The following PSMD11 variants were observed in gnomAD, a reference collection of about 807,000 sequenced individuals.
The protein encoded by PSMD11 is 26S proteasome non-ATPase regulatory subunit 11.
In PSMD11, 5 loss-of-function variants were observed where a neutral mutation model predicts 62.3. The ratio of observed to expected loss-of-function variants is 0.08; its 90% CI spans 0.04 to 0.17. The LOEUF (loss-of-function observed/expected upper bound fraction) is 0.17, where lower values mean the gene tolerates loss of function less well. Ranked by LOEUF, PSMD11 falls within the 10% of genes least tolerant of loss-of-function variation. The pLI is 1.00. For synonymous variants in PSMD11, 191 were observed against 191.8 expected (o/e 1.00, Z 0.03); for missense variants, 310 against 512.9 (o/e 0.60, Z 3.82).
rs1431317658 is a variant in PSMD11 at position 32,483,292 on chromosome 17, G to T, written c.*2540G>T. ...TGTGTTGAAATATTTTGGGTATTGG[G>T]TTAAATAAAATATATTATTAAAATT... On this transcript the variant is annotated 3_prime_UTR_variant, in exon 14 of 14. Coordinates refer to ENST00000261712, the MANE Select transcript of PSMD11 (RefSeq NM_002815.4). 1 of 152,324 alleles carries T rather than the reference G, an allele frequency of 6.6e-6. No homozygotes were observed. Among genetic ancestry groups the T allele is most frequent in the Non-Finnish European group, 1.5e-5 (1 of 68,030 alleles). 9.4% of individuals were successfully genotyped at this position (152,324 alleles called of 1,614,324 possible). A position where few individuals can be genotyped will look rare whatever the true frequency, so the allele number is the denominator to read the frequency against.
intron 5 of PSMD11, among the ~76,000 whole-genome samples, chr17:32,467,382 AT>A (rs1908027881): frequency 6.6e-6 from 1 of 151,222 alleles, no homozygotes; most frequent in African/African-American, 2.4e-5. Context: ...AGTAGCTGAG[AT>A]TATAGGCGTG....
intron 3 of PSMD11, among the ~76,000 whole-genome samples, chr17:32,457,789 T>TTC (rs1323202883): frequency 6.6e-6 from 1 of 150,902 alleles, no homozygotes; most frequent in African/African-American, 2.5e-5. Context: ...TTTGTATTTG[T>TTC]TCTCTCTCTC....
intron 5 of PSMD11, among the ~76,000 whole-genome samples, chr17:32,467,991 C>G (rs985970664): frequency 2.0e-5 from 3 of 152,084 alleles, no homozygotes; most frequent in African/African-American, 7.2e-5. Context: ...GTGTGGTGTT[C>G]CCCTCCGCGT....
chr17:32,445,961 G>T (rs1233159790), intron 1 of PSMD11: 2 of 152,174 alleles, frequency 1.3e-5, no homozygotes, highest in Non-Finnish European at 2.9e-5. Context: ...ATTTTATTCT[G>T]AGTACACACT....
chr17:32,463,631 A>G (rs2150834316), intron 3 of PSMD11: 1 of 164,824 alleles, frequency 6.1e-6, no homozygotes, highest in Non-Finnish European at 1.3e-5. Context: ...ATGAGGCATT[A>G]GTGCTTAGGA....
intron 5 of PSMD11, 102 bp from the exon 6 acceptor site, chr17:32,468,897 T>A: frequency 1.3e-6 from 1 of 798,386 alleles, no homozygotes; most frequent in Non-Finnish European, 1.7e-6. Context: ...GTTCAGGAAT[T>A]TTTTTTTTTT....
intron 6 of PSMD11, among the ~76,000 whole-genome samples, chr17:32,470,453 C>T (rs1908133837): frequency 6.6e-6 from 1 of 152,150 alleles, no homozygotes. Flanking sequence ...GCTGGGATTA[C>T]AGGCACCTGC....
chr17:32,466,024 C>T (rs193124262), intron 5 of PSMD11, among the ~76,000 whole-genome samples: 1 of 152,052 alleles, frequency 6.6e-6, no homozygotes, highest in African/African-American at 2.4e-5. Context: ...GAGATGGAGT[C>T]TCACTCTGTC....
chr17:32,472,941 AG>A (rs963992625), intron 6 of PSMD11, among the ~76,000 whole-genome samples: 2 of 146,892 alleles, frequency 1.4e-5, no homozygotes, highest in Admixed American at 1.4e-4. Flanking sequence ...GGATCACTTG[AG>A]GTCAGGAGTT....
intron 3 of PSMD11, among the ~76,000 whole-genome samples, chr17:32,457,747 C>T (rs1907692263): frequency 6.6e-6 from 1 of 151,832 alleles, no homozygotes; most frequent in African/African-American, 2.4e-5. Context: ...TTTGTCAATT[C>T]AGCTTTCTTC....
chr17:32,473,774 T>C, intron 6 of PSMD11, 27 bp from the exon 7 acceptor site: 1 of 1,610,808 alleles, frequency 6.2e-7, no homozygotes, highest in South Asian at 1.1e-5. Flanking sequence ...TTTTATATGT[T>C]CTTATTCCTT....
chr17:32,451,155 TA>T (rs1567851664), intron 2 of PSMD11, among the ~76,000 whole-genome samples: 1 of 150,656 alleles, frequency 6.6e-6, no homozygotes, highest in African/African-American at 2.4e-5. Context: ...AAAAGACATG[TA>T]GGGGGACAAC....
At chr17:32,447,702 C>T (rs1907370775) in intron 2 of PSMD11, among the ~76,000 whole-genome samples, 1 of 152,116 alleles carries the variant, frequency 6.6e-6, no homozygotes, top group South Asian at 2.1e-4. Flanking sequence ...TCTGTTTAAA[C>T]TTAAATGGGT....
At chr17:32,462,197 T>G (rs1597836009) in intron 3 of PSMD11, among the ~76,000 whole-genome samples, 2 of 152,200 alleles carry the variant, frequency 1.3e-5, no homozygotes, top group East Asian at 3.8e-4. Context: ...CAGAGGAATA[T>G]TTCTAAGTCC....
intron 3 of PSMD11, among the ~76,000 whole-genome samples, chr17:32,456,826 T>C (rs9910736): frequency 0.61 from 92,814 of 152,080 alleles, 29,397 homozygotes; most frequent in African/African-American, 0.73. Context: ...CCACCGTGCC[T>C]GGCCCTAATT....
At chr17:32,474,149 A>G (rs1320410468) in intron 7 of PSMD11, 2 of 592,546 alleles carry the variant, frequency 3.4e-6, no homozygotes, top group African/African-American at 1.9e-5. Flanking sequence ...TCAGGCAGAC[A>G]TTTTAGAAAT....
chr17:32,479,879 T>G lies in PSMD11; in HGVS notation c.1067T>G (p.Leu356Arg), dbSNP rs1439543372. The change falls in exon 11 of 14, where the codon CTC (leucine) becomes CGC (arginine). Residue 356 changes from leucine to arginine, a missense_variant. Leu to Arg is a moderately radical substitution (Grantham distance 102). Around this residue, in one of 6 missense-constraint regions of PSMD11, gnomAD observed 135 missense variants for 195.4 expected, o/e 0.69. Transcript: ENST00000261712. ...QIEHISSLIK[L>R]SKADVERKLS... is the part of the protein sequence containing the mutation. Reference sequence around the variant, plus strand: ...GAACACATATCTAGTCTCATCAAACTCTCCAAGGTAAGGAGTCTTAAGGCC... The same window carrying G: ...GAACACATATCTAGTCTCATCAAACGCTCCAAGGTAAGGAGTCTTAAGGCC... 1 of 1,613,458 alleles carries G rather than the reference T, an allele frequency of 6.2e-7. No individual in the cohort carries two copies. The highest frequency in any genetic ancestry group is 1.3e-5 in the African/African-American group (1 of 74,838).
chr17:32,445,656 T>G (rs1907311491), intron 1 of PSMD11: 1 of 152,250 alleles, frequency 6.6e-6, no homozygotes, highest in African/African-American at 2.4e-5. Flanking sequence ...TAGTGTAGTT[T>G]GGGAAGATCT....
intron 11 of PSMD11, 88 bp downstream of exon 11, chr17:32,479,974 A>G (rs1230970507): frequency 2.0e-6 from 3 of 1,518,862 alleles, no homozygotes; most frequent in Non-Finnish European, 2.7e-6. Flanking sequence ...CTCATTGGAA[A>G]GCTCCCCAGC....
Sources: gnomAD v4.1 joint callset for allele counts (sites outside exome capture counted in the v4.1 genomes callset) on GRCh38, gnomAD v4.1.1 for gene constraint, gnomAD v4.1.1 regional missense constraint, MANE v1.5 for transcripts, NCBI Gene and HGNC (gene_info 2026-07-23, HGNC 2026-07-21) for gene names.